The following MYNN variants were observed in gnomAD, a reference collection of about 807,000 sequenced individuals.
The protein encoded by MYNN is zinc finger and BTB domain-containing protein 31.
In MYNN, 22 loss-of-function variants were observed where a neutral mutation model predicts 57.2. That is an observed-to-expected ratio of 0.38 (90% CI 0.27 to 0.55). MYNN has a LOEUF of 0.55. Among genes scored for constraint, MYNN ranks in the 20% least tolerant of loss-of-function variants. The probability of loss-of-function intolerance (pLI) is 0.71; values close to 1 mark genes in which losing one functional copy is unlikely to be tolerated. For missense variants in MYNN, 566 were observed against 723.1 expected (o/e 0.78, Z 2.49); for synonymous variants, 241 against 257.1 (o/e 0.94, Z 0.60).
chr3:169,781,406 C>G (rs1184671224), intron 4 of MYNN, among the ~76,000 whole-genome samples: 3 of 152,136 alleles, frequency 2.0e-5, no homozygotes. Flanking sequence ...GTCTGCAGTT[C>G]AGGGGACTGG....
In MYNN at chr3:169,780,658, A is replaced by T; in HGVS notation, c.1129A>T (p.Ser377Cys). 1 of 1,613,060 alleles carries T rather than the reference A, an allele frequency of 6.2e-7. No individual in the cohort carries two copies. Reference sequence around the variant, plus strand: ...TCAGAAATGTCAGCTAGTCTTCCATAGTCGCATGCATCATGGTGAAGAAAA... The same window carrying T: ...TCAGAAATGTCAGCTAGTCTTCCATTGTCGCATGCATCATGGTGAAGAAAA... ...FAQKCQLVFHSRMHHGEEKPY... is the reference protein window; with the variant it reads ...FAQKCQLVFHCRMHHGEEKPY... Residue 377 changes from serine (S) to cysteine (C), a missense_variant, in exon 4 of 8, where the codon AGT becomes TGT. Around this residue, in one of 4 missense-constraint regions of MYNN, gnomAD observed 123 missense variants for 222.6 expected, o/e 0.55. Transcript: ENST00000349841.
intron 7 of MYNN, 117 bp downstream of exon 7, chr3:169,784,825 A>G (rs936000828): frequency 3.4e-6 from 2 of 590,714 alleles, no homozygotes; most frequent in Non-Finnish European, 5.6e-6. Flanking sequence ...TTAGATGTCT[A>G]TTTCAAAAAC....
intron 4 of MYNN, among the ~76,000 whole-genome samples, chr3:169,781,213 C>T (rs1778504981): frequency 6.6e-6 from 1 of 152,110 alleles, no homozygotes; most frequent in African/African-American, 2.4e-5. Flanking sequence ...AAAGATGATT[C>T]TGAGGTTTTG....
intron 2 of MYNN, among the ~76,000 whole-genome samples, chr3:169,776,112 G>A (rs1466095277): frequency 1.3e-5 from 2 of 152,106 alleles, no homozygotes; most frequent in Non-Finnish European, 2.9e-5. Flanking sequence ...AATTAACTAT[G>A]CAAAACAAAA....
chr3:169,774,241 T>C lies in MYNN; in HGVS notation c.-31-24T>C, dbSNP rs1778261871. 4 of 1,569,970 alleles carry C rather than the reference T, an allele frequency of 2.5e-6. No homozygotes were observed. The South Asian group carries it at 3.4e-5, about 13-fold the overall frequency. ...TTGATGAGAACTTACGGTTACTGATTTACTGTTTCTTTTTGTCTTTTAGAT... is the reference window on the plus strand; with the variant it reads ...TTGATGAGAACTTACGGTTACTGATCTACTGTTTCTTTTTGTCTTTTAGAT... On this transcript the variant is annotated intron_variant, in intron 1 of 7. Coordinates refer to ENST00000349841, the MANE Select transcript of MYNN (RefSeq NM_018657.5).
intron 5 of MYNN, 40 bp from the exon 6 acceptor site, chr3:169,783,433 ATTGG>A: frequency 9.6e-7 from 1 of 1,042,392 alleles, no homozygotes. Context: ...TAAATATTAT[ATTGG>A]TATAGTACAC....
intron 4 of MYNN, 32 bp downstream of exon 4, chr3:169,780,781 A>C (rs763919378): frequency 1.9e-6 from 3 of 1,554,296 alleles, no homozygotes; most frequent in Non-Finnish European, 2.6e-6. Flanking sequence ...TTGATCTTTT[A>C]GTCTTTTAAT....
chr3:169,779,634 A>G, intron 3 of MYNN, 73 bp downstream of exon 3: 1 of 1,415,264 alleles, frequency 7.1e-7, no homozygotes, highest in Non-Finnish European at 9.6e-7. Context: ...GAGAGTACTT[A>G]GCACACACTA....
chr3:169,786,743 T>C lies in MYNN; in HGVS notation c.*65T>C. On this transcript the variant is annotated 3_prime_UTR_variant, in exon 8 of 8. Transcript: ENST00000349841. Reference sequence around the variant, plus strand: ...GCAAACATCTCTGGTAAGGTGCATATATTCATATTAAATTCCCATTCATTT... The same window carrying C: ...GCAAACATCTCTGGTAAGGTGCATACATTCATATTAAATTCCCATTCATTT... The C allele has an allele frequency of 6.8e-7, 1 of 1,464,186 alleles. No individual in the cohort carries two copies. The highest frequency in any genetic ancestry group is 9.3e-7 in the Non-Finnish European group (1 of 1,074,108). 90.7% of individuals were successfully genotyped at this position (1,464,186 alleles called of 1,614,324 possible).
In MYNN at chr3:169,786,548, T is replaced by C; in HGVS notation, c.1703T>C (p.Leu568Pro). Reference protein sequence around the residue: ...SDMTLPLALPLGTEDHHMLLP... With the variant: ...SDMTLPLALPPGTEDHHMLLP... ...ATGACTTTACCATTAGCTCTTCCAC[T>C]TGGGACTGAGGACCATCACATGCTT... The change falls in exon 8 of 8, where the codon CTT becomes CCT. Residue 568 changes from leucine to proline, a missense_variant. Coordinates refer to ENST00000349841, the MANE Select transcript of MYNN (RefSeq NM_018657.5). The C allele has an allele frequency of 6.2e-7, 1 of 1,613,778 alleles. No homozygotes were observed. Among genetic ancestry groups the C allele is most frequent in the Non-Finnish European group, 8.5e-7 (1 of 1,179,700 alleles).
In MYNN at chr3:169,779,573, G is replaced by C; in HGVS notation, c.1060+12G>C. The stretch of plus-strand genomic sequence containing the variant: ...AAGAACTCATACAGGTGAGACGGGT[G>C]TGTGGGGAGATATTATTTTTATACT... On this transcript the variant is annotated intron_variant, in intron 3 of 7. Coordinates refer to ENST00000349841, the MANE Select transcript of MYNN (RefSeq NM_018657.5). The C allele has an allele frequency of 6.2e-7, 1 of 1,606,766 alleles. No individual in the cohort carries two copies. Among genetic ancestry groups the C allele is most frequent in the Non-Finnish European group, 8.5e-7 (1 of 1,175,608 alleles).
In MYNN at chr3:169,780,657, T is replaced by C. The variant is rs778697000; in HGVS notation, c.1128T>C (p.His376=). ...CTCAGAAATGTCAGCTAGTCTTCCA[T>C]AGTCGCATGCATCATGGTGAAGAAA... ...GFAQKCQLVF[H]SRMHHGEEKP... Residue 376 remains histidine, a synonymous_variant, in exon 4 of 8, where the codon CAT becomes CAC. Coordinates refer to ENST00000349841, the MANE Select transcript of MYNN (RefSeq NM_018657.5). 5 of 1,613,152 alleles carry C rather than the reference T, an allele frequency of 3.1e-6. No individual in the cohort carries two copies. The Admixed American group carries it at 6.7e-5, about 22-fold the overall frequency.
intron 2 of MYNN, among the ~76,000 whole-genome samples, chr3:169,776,408 C>T (rs1339991769): frequency 6.6e-6 from 1 of 152,184 alleles, no homozygotes; most frequent in African/African-American, 2.4e-5. Context: ...TGCTCTTGGA[C>T]AGGTTACTTT....
rs752784415 is a variant in MYNN, at chr3:169,774,575, TTTA to T, written c.266+17_266+19del. The stretch of plus-strand genomic sequence containing the variant: ...AAATCTTGACAGGTAAAGTACACAT[TTTA>T]TTTTCAGTTATAAAAGCTAGTCAGT... On this transcript the variant is annotated intron_variant, in intron 2 of 7. Coordinates refer to ENST00000349841, the MANE Select transcript of MYNN (RefSeq NM_018657.5). The T allele has an allele frequency of 2.0e-4, 313 of 1,598,810 alleles. No individual in the cohort carries two copies. The highest frequency in any genetic ancestry group is 5.0e-4 in the Middle Eastern group (3 of 6,042).
chr3:169,775,821 C>G (rs952249806), intron 2 of MYNN, among the ~76,000 whole-genome samples: 3 of 152,146 alleles, frequency 2.0e-5, no homozygotes, highest in African/African-American at 7.2e-5. Context: ...TAAGCAAAAT[C>G]TTTCCCTCCC....
At chr3:169,781,224 G>A (rs1321200658) in intron 4 of MYNN, among the ~76,000 whole-genome samples, 2 of 152,134 alleles carry the variant, frequency 1.3e-5, no homozygotes, top group Non-Finnish European at 2.9e-5. Context: ...TGAGGTTTTG[G>A]GCCTGAACCC....
At chr3:169,785,411 G>C (rs1230181924) in intron 7 of MYNN, among the ~76,000 whole-genome samples, 1 of 151,958 alleles carries the variant, frequency 6.6e-6, no homozygotes, top group African/African-American at 2.4e-5. Flanking sequence ...ACAAGGCATA[G>C]TTCTGGTACT....
In MYNN at chr3:169,779,346, G is replaced by C. The variant is rs1425493646; in HGVS notation, c.845G>C (p.Ser282Thr). The C allele has an allele frequency of 6.2e-7, 1 of 1,614,200 alleles. No homozygotes were observed. Among genetic ancestry groups the C allele is most frequent in the Non-Finnish European group, 8.5e-7 (1 of 1,180,034 alleles). Residue 282 changes from serine to threonine, a missense_variant, in exon 3 of 8, where the codon AGT becomes ACT. This residue lies in a region of MYNN where 261 missense variants were observed against 280.8 expected (regional missense o/e 0.93). Transcript: ENST00000349841. ...ATGTCTAATATAGCCAGCGTCAAGA[G>C]TCCTTATGAGGCGGAGAACTCCGGG... is the stretch of plus-strand genomic sequence containing the variant. ...HSMSNIASVK[S>T]PYEAENSGEE...
At chr3:169,785,859 A>G (rs1778661182) in intron 7 of MYNN, among the ~76,000 whole-genome samples, 2 of 152,098 alleles carry the variant, frequency 1.3e-5, no homozygotes, top group South Asian at 4.1e-4. Flanking sequence ...CAGTGTGCTG[A>G]TTGCTCCCTT....
Sources: allele counts gnomAD v4.1 joint callset (sites outside exome capture counted in the v4.1 genomes callset), GRCh38; gene constraint gnomAD v4.1.1; regional missense constraint gnomAD v4.1.1; transcripts MANE v1.5; gene names NCBI Gene and HGNC (gene_info 2026-07-23, HGNC 2026-07-21).